The following UNC5D variants were observed in gnomAD, a reference collection of about 807,000 sequenced individuals.
UNC5D encodes the protein unc-5 netrin receptor D.
UNC5D carries 39 observed loss-of-function variants against 105.4 expected under a neutral mutation model. The observed-to-expected ratio is 0.37, with a 90% CI of 0.29 to 0.48. The LOEUF (loss-of-function observed/expected upper bound fraction) is 0.48. UNC5D is among the 20% of genes least tolerant of loss of function. The pLI is 0.98. For missense variants in UNC5D, 991 were observed against 1,202.4 expected (o/e 0.82, Z 2.60); for synonymous variants, 452 against 450.4 (o/e 1.00, Z -0.04).
chr8:35,503,415 C>T (rs557996479), intron 1 of UNC5D, among the ~76,000 whole-genome samples: 191 of 152,300 alleles, frequency 1.3e-3, no homozygotes, highest in African/African-American at 4.3e-3. Context: ...GAGACTTACT[C>T]ACTAGCATGA....
chr8:35,719,766 C>G (rs1236083764), intron 8 of UNC5D, among the ~76,000 whole-genome samples: 1 of 152,152 alleles, frequency 6.6e-6, no homozygotes, highest in Non-Finnish European at 1.5e-5. Context: ...TTTTGCTTAT[C>G]TCTCTATAGG....
At chr8:35,513,675 C>T (rs1029164251) in intron 1 of UNC5D, among the ~76,000 whole-genome samples, 1 of 152,188 alleles carries the variant, frequency 6.6e-6, no homozygotes, top group African/African-American at 2.4e-5. Context: ...CTTGTTCCTT[C>T]CAAGAATGTG....
intron 4 of UNC5D, among the ~76,000 whole-genome samples, chr8:35,667,848 C>T (rs1037129294): frequency 1.3e-5 from 2 of 152,070 alleles, no homozygotes; most frequent in South Asian, 2.1e-4. Flanking sequence ...TTGATTTAAT[C>T]GATTGAAGAA....
At chr8:35,259,962 A>G (rs1002905223) in intron 1 of UNC5D, among the ~76,000 whole-genome samples, 1 of 151,870 alleles carries the variant, frequency 6.6e-6, no homozygotes, top group Non-Finnish European at 1.5e-5. Context: ...AGTCCTTATC[A>G]TTTTTCCCCC....
At chr8:35,268,296 C>T (rs1805032728) in intron 1 of UNC5D, among the ~76,000 whole-genome samples, 1 of 151,880 alleles carries the variant, frequency 6.6e-6, no homozygotes, top group South Asian at 2.1e-4. Context: ...ACAAAAAAAC[C>T]TGAAAAACGT....
intron 1 of UNC5D, among the ~76,000 whole-genome samples, chr8:35,370,317 A>G (rs1267581516): frequency 6.6e-6 from 1 of 152,230 alleles, no homozygotes; most frequent in Non-Finnish European, 1.5e-5. Flanking sequence ...TATAGTTTGT[A>G]GTAACAGATG....
chr8:35,459,238 C>T (rs1563438963), intron 1 of UNC5D, among the ~76,000 whole-genome samples: 1 of 152,104 alleles, frequency 6.6e-6, no homozygotes, highest in Non-Finnish European at 1.5e-5. Context: ...TTAGGGCAGG[C>T]AAAAGACTTT....
intron 1 of UNC5D, among the ~76,000 whole-genome samples, chr8:35,436,922 C>T (rs1807053366): frequency 6.6e-6 from 1 of 151,984 alleles, no homozygotes; most frequent in Admixed American, 6.6e-5. Context: ...TACCTAGAAA[C>T]TTTTAAATAT....
At chr8:35,240,241 C>T (rs1342279513) in intron 1 of UNC5D, among the ~76,000 whole-genome samples, 1 of 152,172 alleles carries the variant, frequency 6.6e-6, no homozygotes. Context: ...TGAACCACCA[C>T]ATCTGGCCTC....
At chr8:35,607,007 A>C (rs966528168) in intron 4 of UNC5D, among the ~76,000 whole-genome samples, 1 of 152,058 alleles carries the variant, frequency 6.6e-6, no homozygotes, top group Non-Finnish European at 1.5e-5. Flanking sequence ...ACACATCCCT[A>C]CCTGTTTCTT....
At chr8:35,639,634 A>G (rs923144935) in intron 4 of UNC5D, among the ~76,000 whole-genome samples, 1 of 152,342 alleles carries the variant, frequency 6.6e-6, no homozygotes, top group Non-Finnish European at 1.5e-5. Context: ...AACACATATT[A>G]CCTTAATTTT....
At chr8:35,781,439 G>A (rs902899708) in intron 16 of UNC5D, among the ~76,000 whole-genome samples, 2 of 152,138 alleles carry the variant, frequency 1.3e-5, no homozygotes, top group African/African-American at 4.8e-5. Context: ...GGCAGTGGGT[G>A]TGTGTGTGCT....
At chr8:35,724,039 C>T (rs557288143) in intron 9 of UNC5D, 161 of 985,926 alleles carry the variant, frequency 1.6e-4, no homozygotes, top group Middle Eastern at 3.7e-4. Context: ...GAGTTCTAGA[C>T]GCTGGTTGCT....
intron 4 of UNC5D, among the ~76,000 whole-genome samples, chr8:35,629,919 T>C (rs1266663424): frequency 6.6e-6 from 1 of 152,246 alleles, no homozygotes; most frequent in Non-Finnish European, 1.5e-5. Flanking sequence ...GTATTGTAAC[T>C]TACGGGTAAC....
chr8:35,467,352 A>AGT (rs1235487089), intron 1 of UNC5D, among the ~76,000 whole-genome samples: 1 of 152,142 alleles, frequency 6.6e-6, no homozygotes, highest in African/African-American at 2.4e-5. Flanking sequence ...GGAAGTGGGA[A>AGT]GTGTGTGGAC....
rs550099545 is a variant in UNC5D at position 35,705,126 on chromosome 8, G to A, written c.1085-803G>A. 1.7e-3 allele frequency among the ~76,000 whole-genome samples: 264 copies of A among 152,060 alleles called. 1 individual carries two copies. Among genetic ancestry groups the A allele is most frequent in the African/African-American group, 6.1e-3 (255 of 41,514 alleles). On this transcript the variant is annotated intron_variant, in intron 7 of 16. Coordinates refer to ENST00000404895, the MANE Select transcript of UNC5D (RefSeq NM_080872.4). ...ACTACAGGCGCCTGCCACCTCGCCC[G>A]GCTAATTTTTTACATTTTTAGTAGA...
At chr8:35,449,276 C>G (rs1807992483) in intron 1 of UNC5D, among the ~76,000 whole-genome samples, 1 of 152,136 alleles carries the variant, frequency 6.6e-6, no homozygotes, top group Admixed American at 6.5e-5. Flanking sequence ...CGATTCTTCT[C>G]CCTAACCCTG....
chr8:35,241,686 T>A (rs1229386104), intron 1 of UNC5D, among the ~76,000 whole-genome samples: 2 of 152,188 alleles, frequency 1.3e-5, no homozygotes, highest in African/African-American at 4.8e-5. Flanking sequence ...TTTTTAAATT[T>A]TAACACTTTT....
At chr8:35,330,511 G>A (rs1810530783) in intron 1 of UNC5D, among the ~76,000 whole-genome samples, 1 of 152,154 alleles carries the variant, frequency 6.6e-6, no homozygotes, top group South Asian at 2.1e-4. Flanking sequence ...ACAGTTATGG[G>A]GCAAATAGCT....
Sources: gnomAD v4.1 joint callset for allele counts (sites outside exome capture counted in the v4.1 genomes callset) on GRCh38, gnomAD v4.1.1 for gene constraint, MANE v1.5 for transcripts, NCBI Gene and HGNC (gene_info 2026-07-23, HGNC 2026-07-21) for gene names.